Variants in ADRA1B observed in about 807,000 individuals in gnomAD.
ADRA1B encodes alpha-1B adrenergic receptor.
In ADRA1B, 17 loss-of-function variants were observed where a neutral mutation model predicts 17.9. The ratio of observed to expected loss-of-function variants is 0.95; its 90% CI spans 0.65 to 1.42. The LOEUF (loss-of-function observed/expected upper bound fraction) is 1.42, where lower values mean the gene tolerates loss of function less well. ADRA1B is among the 40% of genes most tolerant of loss of function. The probability of loss-of-function intolerance (pLI) is 0.00; values close to 1 mark genes in which losing one functional copy is unlikely to be tolerated. For missense variants in ADRA1B, 681 were observed against 722.1 expected (o/e 0.94, Z 0.65); for synonymous variants, 366 against 327.6 (o/e 1.12, Z -1.27).
In ADRA1B at chr5:159,917,484, G is replaced by A. The variant is rs1476709388; in HGVS notation, c.579G>A (p.Lys193=). ...GWKEPAPNDD[K]ECGVTEEPFY... ...AGGAGCCGGCACCCAACGATGACAA[G>A]GAGTGCGGGGTCACCGAAGAACCCT... Residue 193 remains lysine, a synonymous_variant, in exon 1 of 2, where the codon AAG becomes AAA. Coordinates refer to ENST00000306675, the MANE Select transcript of ADRA1B (RefSeq NM_000679.4). 1 of 1,613,984 alleles carries A rather than the reference G, an allele frequency of 6.2e-7. No individual in the cohort carries two copies.
At chr5:159,866,522 G>A (rs1261557975) in intron 1 of ADRA1B, among the ~76,000 whole-genome samples, 1 of 151,508 alleles carries the variant, frequency 6.6e-6, no homozygotes, top group Non-Finnish European at 1.5e-5. Context: ...GGGAGGCGGA[G>A]GTTGGGGTGA....
chr5:159,951,747 G>A (rs766864274), intron 1 of ADRA1B, among the ~76,000 whole-genome samples: 6 of 152,146 alleles, frequency 3.9e-5, no homozygotes, highest in South Asian at 2.1e-4. Context: ...TCAGAAATAC[G>A]GAGCAGAGTG....
chr5:159,895,893 G>A lies in ADRA1B; in HGVS notation c.-255-20226G>A, dbSNP rs1754036409. On this transcript the variant is annotated intron_variant, in intron 1 of 2. Coordinates refer to the ADRA1B transcript ENST00000641205. Reference sequence around the variant, plus strand: ...GCACTTTGGGATGCCAAGGTGGGTGGATCACCTGAGGTCAGGAGTTCAGTG... The same window carrying A: ...GCACTTTGGGATGCCAAGGTGGGTGAATCACCTGAGGTCAGGAGTTCAGTG... Among the ~76,000 whole-genome samples, 4 of 152,196 alleles carry A rather than the reference G, an allele frequency of 2.6e-5. No individual in the cohort carries two copies. The South Asian group carries it at 8.3e-4, about 32-fold the overall frequency.
the ADRA1B span, among the ~76,000 whole-genome samples, chr5:159,987,517 G>A: frequency 6.6e-6 from 1 of 152,270 alleles, no homozygotes; most frequent in African/African-American, 2.4e-5. Flanking sequence ...TTGACGTGGG[G>A]CAAGCTCGGC....
At chr5:159,940,302 G>A (rs927077378) in intron 1 of ADRA1B, among the ~76,000 whole-genome samples, 4 of 152,120 alleles carry the variant, frequency 2.6e-5, no homozygotes, top group Non-Finnish European at 4.4e-5. Flanking sequence ...CACCCACATC[G>A]ATATCTAATC....
chr5:159,955,313 C>T lies in ADRA1B; in HGVS notation c.950-16566C>T, dbSNP rs530947888. The T allele has an allele frequency of 3.3e-4, 141 of 428,924 alleles. 2 individuals are homozygous for T. The highest frequency in any genetic ancestry group is 2.9e-3 in the African/African-American group (134 of 46,370). The allele number at this position is 428,924 out of a possible 1,614,324, so 26.6% of individuals were successfully genotyped here. On this transcript the variant is annotated intron_variant, in intron 1 of 1. Coordinates refer to ENST00000306675, the MANE Select transcript of ADRA1B (RefSeq NM_000679.4). ...AAACAAGCGAGAGGTGACACAGAGCCATCCAGGGGTCCAGACATAACCTTA... is the reference window on the plus strand; with the variant it reads ...AAACAAGCGAGAGGTGACACAGAGCTATCCAGGGGTCCAGACATAACCTTA...
chr5:159,882,540 A>G (rs906486282), intron 1 of ADRA1B, among the ~76,000 whole-genome samples: 7 of 152,202 alleles, frequency 4.6e-5, no homozygotes, highest in Non-Finnish European at 7.3e-5. Flanking sequence ...CACGGGTCAT[A>G]TTGAGACAAA....
intron 1 of ADRA1B, among the ~76,000 whole-genome samples, chr5:159,874,535 T>C (rs573217545): frequency 7.3e-5 from 11 of 150,726 alleles, no homozygotes; most frequent in African/African-American, 2.7e-4. Context: ...GGTGACTCAT[T>C]CCCTCTTGTC....
chr5:159,983,556 C>T, the ADRA1B span, among the ~76,000 whole-genome samples: 48 of 152,208 alleles, frequency 3.2e-4, no homozygotes, highest in African/African-American at 1.0e-3. Context: ...TGATGAACAA[C>T]GATCTTCATC....
At chr5:159,893,001 T>C (rs1246129182) in intron 1 of ADRA1B, among the ~76,000 whole-genome samples, 1 of 152,172 alleles carries the variant, frequency 6.6e-6, no homozygotes, top group African/African-American at 2.4e-5. Context: ...CATCTGTTGT[T>C]TTTTGACTTT....
intron 1 of ADRA1B, among the ~76,000 whole-genome samples, chr5:159,885,858 T>C (rs780256648): frequency 1.6e-4 from 25 of 152,242 alleles, no homozygotes; most frequent in Non-Finnish European, 3.5e-4. Context: ...ATTGTTGCAC[T>C]TAACCGTTGT....
intron 1 of ADRA1B, among the ~76,000 whole-genome samples, chr5:159,930,738 T>C (rs1301564901): frequency 6.6e-6 from 1 of 152,094 alleles, no homozygotes; most frequent in Admixed American, 6.6e-5. Context: ...AGGGATACGA[T>C]GGAGTGAGGA....
At chr5:159,919,082 C>G (rs1754406846) in intron 1 of ADRA1B, among the ~76,000 whole-genome samples, 2 of 152,104 alleles carry the variant, frequency 1.3e-5, no homozygotes, top group South Asian at 4.1e-4. Context: ...AGAAAGGAAG[C>G]AAACAGATAT....
the ADRA1B span, among the ~76,000 whole-genome samples, chr5:159,983,057 G>A: frequency 6.6e-6 from 1 of 152,210 alleles, no homozygotes; most frequent in African/African-American, 2.4e-5. Context: ...CTTATGTAGT[G>A]CAGGGATTGA....
intron 1 of ADRA1B, among the ~76,000 whole-genome samples, chr5:159,925,845 T>A (rs952012753): frequency 1.3e-5 from 2 of 152,196 alleles, no homozygotes; most frequent in Admixed American, 1.3e-4. Context: ...GAATAACCAA[T>A]TGCATTAATA....
intron 1 of ADRA1B, among the ~76,000 whole-genome samples, chr5:159,908,263 T>A (rs142300461): frequency 5.9e-4 from 90 of 152,306 alleles, no homozygotes; most frequent in Admixed American, 2.2e-3. Flanking sequence ...AGTTAATGAA[T>A]CTCTCTTATC....
chr5:159,921,370 T>A (rs888240621), intron 1 of ADRA1B, among the ~76,000 whole-genome samples: 6 of 152,216 alleles, frequency 3.9e-5, no homozygotes, highest in Admixed American at 1.3e-4. Context: ...TATAGCAGTA[T>A]TTCTTACTCC....
At chr5:159,932,814 A>T (rs1305446912) in intron 1 of ADRA1B, among the ~76,000 whole-genome samples, 1 of 152,214 alleles carries the variant, frequency 6.6e-6, no homozygotes, top group Non-Finnish European at 1.5e-5. Context: ...TTTCAATTTC[A>T]GTGGAAATTC....
chr5:159,919,710 C>T (rs1340470138), intron 1 of ADRA1B, among the ~76,000 whole-genome samples: 2 of 152,206 alleles, frequency 1.3e-5, no homozygotes, highest in Non-Finnish European at 2.9e-5. Flanking sequence ...TTCCTTTGCC[C>T]CTGGCCTCCA....
Sources: gnomAD v4.1 joint callset for allele counts (sites outside exome capture counted in the v4.1 genomes callset) on GRCh38, gnomAD v4.1.1 for gene constraint, MANE v1.5 for transcripts, NCBI Gene and HGNC (gene_info 2026-07-23, HGNC 2026-07-21) for gene names.